Variants in CYP51A1 observed in about 807,000 individuals in gnomAD.
CYP51A1 encodes the protein cytochrome P450 family 51 subfamily A member 1, also known as lanosterol 14-alpha demethylase.
A neutral mutation model predicts 53.5 loss-of-function variants in CYP51A1; 45 were observed. The ratio of observed to expected loss-of-function variants is 0.84; its 90% CI spans 0.66 to 1.08. The LOEUF is 1.08. Among genes scored for constraint, CYP51A1 ranks in the 50% least tolerant of loss-of-function variants. The pLI is 0.00. For missense variants in CYP51A1, 462 were observed against 621.7 expected, an observed-to-expected ratio of 0.74 and a Z score of 2.73; for synonymous variants, 181 against 217.7, an observed-to-expected ratio of 0.83 and a Z score of 1.48.
rs4729021 is a variant in CYP51A1 at position 92,129,108 on chromosome 7, C to A, written c.292-52G>T. 0.51 allele frequency: 598,364 copies of A among 1,181,934 alleles called. 154,854 individuals are homozygous for A. The highest frequency in any genetic ancestry group is 0.77 in the African/African-American group (49,540 of 64,144). 73.2% of individuals were successfully genotyped at this position (1,181,934 alleles called of 1,614,324 possible). A position where few individuals can be genotyped will look rare whatever the true frequency, so the allele number is the denominator to read the frequency against. On this transcript the variant is annotated intron_variant, in intron 2 of 9. Transcript: ENST00000003100. ...ATGTTACAAAAAATATGCAACACTA[C>A]GACAGTAACTTTTTAAAATCACAAA...
In CYP51A1 at chr7:92,117,224, A is replaced by T; in HGVS notation, c.1183-12T>A. The T allele has an allele frequency of 6.2e-7, 1 of 1,604,400 alleles. No individual in the cohort carries two copies. Among genetic ancestry groups the T allele is most frequent in the Non-Finnish European group, 8.5e-7 (1 of 1,175,878 alleles). On this transcript the variant is annotated splice_polypyrimidine_tract_variant and intron_variant, in intron 8 of 9. Coordinates refer to ENST00000003100, the MANE Select transcript of CYP51A1 (RefSeq NM_000786.4). ...TACCCTGCCACAGTCTATAAACAAA[A>T]GCCACACATTTCATTAGAGAATTTA...
intron 7 of CYP51A1, among the ~76,000 whole-genome samples, chr7:92,119,168 G>A (rs1322065085): frequency 6.6e-6 from 1 of 152,172 alleles, no homozygotes; most frequent in Admixed American, 6.6e-5. Flanking sequence ...CACTGAAGGC[G>A]CCTGAGATGG....
At position 92,123,010 on chromosome 7, in the gene CYP51A1, T is replaced by C. The variant is rs1819720192; in HGVS notation, c.1086+110A>G. 5.2e-6 allele frequency: 4 copies of C among 765,820 alleles called. No individual in the cohort carries two copies. The South Asian group carries it at 8.2e-5, about 16-fold the overall frequency. The allele number at this position is 765,820 out of a possible 1,614,324, so 47.4% of individuals were successfully genotyped here. The stretch of plus-strand genomic sequence containing the variant: ...GGGAATTTGCTAAAAATAGAGAAGC[T>C]GATCAATTTAAGCTATAGTATATAG... On this transcript the variant is annotated intron_variant, in intron 7 of 9. Transcript: ENST00000003100.
In CYP51A1 at chr7:92,113,498, T is replaced by TTGA. The variant is rs1442595728; in HGVS notation, c.*164_*166dup. 2 of 595,542 alleles carry TTGA rather than the reference T, an allele frequency of 3.4e-6. No individual in the cohort carries two copies. The allele number at this position is 595,542 out of a possible 1,614,324, so 36.9% of individuals were successfully genotyped here. ...GAAAATGTTTCAAATGCTATTATAT[T>TTGA]TGATAGAACCATTCAGTTAACAAAA... On this transcript the variant is annotated 3_prime_UTR_variant, in exon 10 of 10. Coordinates refer to ENST00000003100, the MANE Select transcript of CYP51A1 (RefSeq NM_000786.4).
At chr7:92,121,321 T>TA (rs1819688682) in intron 7 of CYP51A1, among the ~76,000 whole-genome samples, 1 of 150,030 alleles carries the variant, frequency 6.7e-6, no homozygotes, top group Admixed American at 6.6e-5. Flanking sequence ...CCTATTATAA[T>TA]AAAAAAATCA....
chr7:92,117,015 A>G (rs1819591923), intron 9 of CYP51A1, 29 bp downstream of exon 9: 4 of 1,576,300 alleles, frequency 2.5e-6, no homozygotes, highest in Non-Finnish European at 3.5e-6. Context: ...CAGAACAAAC[A>G]TTTCCAATCT....
chr7:92,122,123 T>C (rs1239393154), intron 7 of CYP51A1, among the ~76,000 whole-genome samples: 1 of 151,856 alleles, frequency 6.6e-6, no homozygotes, highest in African/African-American at 2.4e-5. Context: ...GACAAATTCC[T>C]AGAGAGATAT....
Position 92,128,489 on chromosome 7 carries a change from T to C in CYP51A1, c.468+391A>G, listed in dbSNP as rs1819850913. Reference sequence around the variant, plus strand: ...GTGTGTGTGTGTGTGTTTGGTTTTTTGTTTCTGTTTTTGAGACAGGGTCTC... The same window carrying C: ...GTGTGTGTGTGTGTGTTTGGTTTTTCGTTTCTGTTTTTGAGACAGGGTCTC... On this transcript the variant is annotated intron_variant, in intron 3 of 9. Transcript: ENST00000003100. Among the ~76,000 whole-genome samples, 3 of 151,852 alleles carry C rather than the reference T, an allele frequency of 2.0e-5. No individual in the cohort carries two copies. In the South Asian group the frequency reaches 6.3e-4, roughly 32 times the overall value.
chr7:92,134,134 C>A, intron 1 of CYP51A1, 39 bp downstream of exon 1: 2 of 1,595,802 alleles, frequency 1.3e-6, no homozygotes, highest in Non-Finnish European at 1.7e-6. Context: ...GCCTCAGCTG[C>A]GGCGCGCGCC....
intron 8 of CYP51A1, chr7:92,117,428 T>C (rs1037792695): frequency 7.8e-6 from 3 of 384,036 alleles, no homozygotes; most frequent in African/African-American, 2.1e-5. Flanking sequence ...AAAAACTGGC[T>C]AGATAATAGG....
At chr7:92,115,172 G>A (rs779498355) in intron 9 of CYP51A1, among the ~76,000 whole-genome samples, 21 of 152,156 alleles carry the variant, frequency 1.4e-4, no homozygotes, top group African/African-American at 4.8e-4. Flanking sequence ...GCACAATTAC[G>A]AGGTAAAAGA....
At chr7:92,124,731 G>C (rs180922469) in intron 5 of CYP51A1, among the ~76,000 whole-genome samples, 2 of 152,172 alleles carry the variant, frequency 1.3e-5, no homozygotes, top group South Asian at 2.1e-4. Context: ...TGAATAATCT[G>C]GTTAAATTAG....
intron 2 of CYP51A1, 130 bp from the exon 3 acceptor site, chr7:92,129,186 T>G: frequency 1.9e-6 from 1 of 539,096 alleles, no homozygotes. Context: ...AGCAATTCTT[T>G]TCATCTTGCC....
rs1320973894 is a variant in CYP51A1, at chr7:92,128,888, G to T, written c.460C>A (p.Pro154Thr). ...VFGKGVAYDVPNPVFLEQKKM... is the reference protein window; with the variant it reads ...VFGKGVAYDVTNPVFLEQKKM... ...GTAACAGTGTCACCTACTGGATTAG[G>T]CACATCGTATGCAACTCCCTTCCCA... is the stretch of plus-strand genomic sequence containing the variant. Residue 154 changes from proline (P) to threonine (T), a missense_variant, in exon 3 of 10, where the codon CCT (proline) becomes ACT (threonine). Coordinates refer to ENST00000003100, the MANE Select transcript of CYP51A1 (RefSeq NM_000786.4). 1 of 1,610,904 alleles carries T rather than the reference G, an allele frequency of 6.2e-7. No homozygotes were observed. The highest frequency in any genetic ancestry group is 8.5e-7 in the Non-Finnish European group (1 of 1,179,224).
chr7:92,118,026 C>T (rs1443268081), intron 8 of CYP51A1, among the ~76,000 whole-genome samples: 2 of 151,056 alleles, frequency 1.3e-5, no homozygotes, highest in African/African-American at 4.9e-5. Context: ...ATACTATCTA[C>T]AATTAGGTAA....
intron 3 of CYP51A1, among the ~76,000 whole-genome samples, chr7:92,128,461 T>TGTGTGTGTGTGTGTGTGC (rs1563181258): frequency 2.8e-4 from 38 of 137,454 alleles, no homozygotes; most frequent in African/African-American, 1.1e-3. Flanking sequence ...TGTGTGCGCG[T>TGTGTGTGTGTGTGTGTGC]GCGTGTGTGT....
At chr7:92,128,457 C>CGT (rs1443827496) in intron 3 of CYP51A1, among the ~76,000 whole-genome samples, 1 of 135,356 alleles carries the variant, frequency 7.4e-6, no homozygotes, top group African/African-American at 2.8e-5. Context: ...TGTGTGTGTG[C>CGT]GCGTGCGTGT....
chr7:92,126,683 A>T (rs932361447), intron 4 of CYP51A1, among the ~76,000 whole-genome samples: 2 of 152,236 alleles, frequency 1.3e-5, no homozygotes, highest in African/African-American at 4.8e-5. Context: ...TTCATCATGA[A>T]AAGAATAAAT....
At chr7:92,120,106 A>G (rs1175937050) in intron 7 of CYP51A1, among the ~76,000 whole-genome samples, 1 of 152,208 alleles carries the variant, frequency 6.6e-6, no homozygotes, top group African/African-American at 2.4e-5. Context: ...ACTATAAAAC[A>G]TTGTTGAAAG....
Sources: gnomAD v4.1 joint callset for allele counts (sites outside exome capture counted in the v4.1 genomes callset) on GRCh38, gnomAD v4.1.1 for gene constraint, MANE v1.5 for transcripts, NCBI Gene and HGNC (gene_info 2026-07-23, HGNC 2026-07-21) for gene names.